The following AUTS2 variants were observed in gnomAD, a reference collection of about 807,000 sequenced individuals.
AUTS2 encodes the protein autism susceptibility gene 2 protein.
Under a neutral mutation model 112.4 loss-of-function variants are expected in AUTS2, and 17 were observed. The ratio of observed to expected loss-of-function variants is 0.15; its 90% confidence interval spans 0.10 to 0.23. AUTS2 has a LOEUF of 0.23. Among genes scored for constraint, AUTS2 ranks in the 10% least tolerant of loss-of-function variants. AUTS2 has a pLI of 1.00. For synonymous variants in AUTS2, 751 were observed against 702.7 expected (o/e 1.07, Z -1.09); for missense variants, 1,510 against 1,701.6 (o/e 0.89, Z 1.98).
intron 5 of AUTS2, among the ~76,000 whole-genome samples, chr7:70,580,501 C>G (rs1445169567): frequency 6.6e-6 from 1 of 152,128 alleles, no homozygotes; most frequent in African/African-American, 2.4e-5. Context: ...GGTAGGAATT[C>G]TCTCCTGTGG....
chr7:70,788,108 G>A (rs542967694), intron 18 of AUTS2, among the ~76,000 whole-genome samples: 8 of 151,448 alleles, frequency 5.3e-5, no homozygotes, highest in Admixed American at 1.3e-4. Flanking sequence ...AAAGAATATC[G>A]TAACGCATTC....
chr7:70,772,773 A>C (rs1204592953), intron 11 of AUTS2, among the ~76,000 whole-genome samples: 2 of 152,228 alleles, frequency 1.3e-5, no homozygotes, highest in Non-Finnish European at 2.9e-5. Context: ...CAGGGCTTTT[A>C]TGACTGCCTC....
chr7:69,631,074 A>G (rs1794212971), intron 1 of AUTS2, among the ~76,000 whole-genome samples: 1 of 152,084 alleles, frequency 6.6e-6, no homozygotes, highest in Non-Finnish European at 1.5e-5. Flanking sequence ...TGCCTGCCCC[A>G]TGGGGTTCAC....
intron 6 of AUTS2, among the ~76,000 whole-genome samples, chr7:70,709,727 A>G (rs1317356310): frequency 6.6e-6 from 1 of 152,134 alleles, no homozygotes; most frequent in Non-Finnish European, 1.5e-5. Flanking sequence ...ATATTTACAT[A>G]TATCTTTTAG....
intron 2 of AUTS2, among the ~76,000 whole-genome samples, chr7:70,019,061 C>T (rs1002136530): frequency 3.9e-5 from 6 of 152,148 alleles, no homozygotes; most frequent in Non-Finnish European, 8.8e-5. Context: ...TACATATATA[C>T]CATGGAATAC....
intron 1 of AUTS2, among the ~76,000 whole-genome samples, chr7:69,887,179 C>T (rs1466849927): frequency 2.0e-5 from 3 of 151,904 alleles, no homozygotes; most frequent in Admixed American, 6.6e-5. Flanking sequence ...TTTGGGAAGC[C>T]GAGGCGGGTG....
chr7:70,042,509 G>T (rs1487676221), intron 2 of AUTS2, among the ~76,000 whole-genome samples: 1 of 152,062 alleles, frequency 6.6e-6, no homozygotes, highest in African/African-American at 2.4e-5. Context: ...TAAAAAAATT[G>T]TGCATTAAAT....
At chr7:70,751,760 G>T (rs1164734649) in intron 6 of AUTS2, among the ~76,000 whole-genome samples, 2 of 152,134 alleles carry the variant, frequency 1.3e-5, no homozygotes, top group Non-Finnish European at 2.9e-5. Context: ...TCACTCTGTT[G>T]CCAAGGCTGG....
chr7:70,755,686 A>G (rs1490912402), intron 6 of AUTS2, among the ~76,000 whole-genome samples: 1 of 152,102 alleles, frequency 6.6e-6, no homozygotes, highest in Non-Finnish European at 1.5e-5. Context: ...AAAATTCAGT[A>G]GGTAAGGCAA....
intron 2 of AUTS2, among the ~76,000 whole-genome samples, chr7:70,019,531 C>T (rs1367298749): frequency 6.6e-6 from 1 of 151,856 alleles, no homozygotes; most frequent in Non-Finnish European, 1.5e-5. Context: ...AATTTGTTTA[C>T]TTTTCGTAGT....
chr7:69,861,770 A>G (rs1792996107), intron 1 of AUTS2, among the ~76,000 whole-genome samples: 1 of 152,234 alleles, frequency 6.6e-6, no homozygotes, highest in African/African-American at 2.4e-5. Context: ...TAGAATTGCC[A>G]GTCCTGAAGT....
intron 5 of AUTS2, among the ~76,000 whole-genome samples, chr7:70,611,387 G>T (rs934855482): frequency 6.6e-6 from 1 of 152,190 alleles, no homozygotes; most frequent in Non-Finnish European, 1.5e-5. Context: ...CTTGCACCAT[G>T]ATGTAGCTTT....
chr7:70,334,522 G>A (rs1048732842), intron 4 of AUTS2, among the ~76,000 whole-genome samples: 1 of 152,164 alleles, frequency 6.6e-6, no homozygotes, highest in Non-Finnish European at 1.5e-5. Context: ...ATGCAGTACA[G>A]GCAAGGGCAG....
chr7:69,770,774 A>G (rs1424516826), intron 1 of AUTS2, among the ~76,000 whole-genome samples: 1 of 149,478 alleles, frequency 6.7e-6, no homozygotes, highest in Non-Finnish European at 1.5e-5. Context: ...ATTACTTTGC[A>G]TAATAACTAC....
At chr7:70,771,392 G>A (rs1312999341) in intron 10 of AUTS2, 157 bp from the exon 11 acceptor site, 13 of 530,404 alleles carry the variant, frequency 2.5e-5, no homozygotes, top group Middle Eastern at 2.9e-4. Context: ...TTCGTGGCAC[G>A]TCTGTGTGAT....
intron 4 of AUTS2, among the ~76,000 whole-genome samples, chr7:70,373,966 T>G (rs957216332): frequency 6.6e-6 from 1 of 152,182 alleles, no homozygotes; most frequent in Non-Finnish European, 1.5e-5. Context: ...TCATTTCTAA[T>G]GATTGTAGTG....
At chr7:70,733,696 C>T (rs1216734087) in intron 6 of AUTS2, among the ~76,000 whole-genome samples, 2 of 152,084 alleles carry the variant, frequency 1.3e-5, no homozygotes, top group Admixed American at 6.5e-5. Flanking sequence ...AAGTGATTCT[C>T]CTGCTTCAGC....
intron 5 of AUTS2, among the ~76,000 whole-genome samples, chr7:70,491,589 TTGTGTGTGTGTGTGTGTGTG>T (rs71077660): frequency 7.2e-6 from 1 of 138,802 alleles, no homozygotes; most frequent in Admixed American, 7.3e-5. Context: ...TGTATATATA[TTGTGTGTGTGTGTGTGTGTG>T]TGTGTGTGTG....
intron 7 of AUTS2, among the ~76,000 whole-genome samples, chr7:70,764,177 C>T (rs1789756045): frequency 1.3e-5 from 2 of 152,004 alleles, no homozygotes; most frequent in Admixed American, 1.3e-4. Flanking sequence ...GGGGAAAGCA[C>T]AGTCTTTGGG....
Sources: allele counts gnomAD v4.1 joint callset (sites outside exome capture counted in the v4.1 genomes callset), GRCh38; gene constraint gnomAD v4.1.1; transcripts MANE v1.5; gene names NCBI Gene and HGNC (gene_info 2026-07-23, HGNC 2026-07-21).